SLC4A10: variants seen among roughly 807,000 people sequenced by gnomAD.
SLC4A10 encodes solute carrier family 4 member 10.
A neutral mutation model predicts 137.7 loss-of-function variants in SLC4A10; 42 were observed. The ratio of observed to expected loss-of-function variants is 0.30; its 90% CI spans 0.24 to 0.39. The LOEUF is 0.39. SLC4A10 is among the 10% of genes least tolerant of loss of function. The pLI, the probability that SLC4A10 is intolerant of heterozygous loss-of-function variation, is 1.00. For missense variants in SLC4A10, 925 were observed against 1,355.0 expected, an observed-to-expected ratio of 0.68 and a Z score of 4.98; for synonymous variants, 474 against 464.1, an observed-to-expected ratio of 1.02 and a Z score of -0.27.
chr2:161,792,115 C>T (rs1042442950), intron 2 of SLC4A10, among the ~76,000 whole-genome samples: 6 of 152,078 alleles, frequency 3.9e-5, no homozygotes, highest in African/African-American at 1.2e-4. Context: ...AACTCACTCA[C>T]TATTTGGTAT....
chr2:161,712,686 C>T lies in SLC4A10; in HGVS notation c.49-58287C>T, dbSNP rs145445894. On this transcript the variant is annotated intron_variant, in intron 1 of 26. Coordinates refer to ENST00000446997, the MANE Select transcript of SLC4A10 (RefSeq NM_001178015.2). Reference sequence around the variant, plus strand: ...TATTTAATGTAAAAACATTTATCTGCTTAAAATTCTCAATAAACTTCAAAG... The same window carrying T: ...TATTTAATGTAAAAACATTTATCTGTTTAAAATTCTCAATAAACTTCAAAG... 8.3e-3 allele frequency among the ~76,000 whole-genome samples: 1,263 copies of T among 151,828 alleles called. 20 individuals carry two copies. Among genetic ancestry groups the T allele is most frequent in the African/African-American group, 0.028 (1,176 of 41,466 alleles).
chr2:161,864,176 T>G (rs2060600406), intron 6 of SLC4A10, among the ~76,000 whole-genome samples: 1 of 151,946 alleles, frequency 6.6e-6, no homozygotes, highest in Admixed American at 6.6e-5. Flanking sequence ...CACTCCAGCC[T>G]GGGCTACACA....
Position 161,957,052 on chromosome 2 carries a change from A to G in SLC4A10, c.2605A>G (p.Met869Val). The change falls in exon 20 of 27, where the codon ATG (methionine) becomes GTG (valine). Residue 869 changes from methionine to valine, a missense_variant. Met to Val is a conservative substitution (Grantham distance 21). This residue lies in a region of SLC4A10 where 115 missense variants were observed against 237.5 expected (regional missense o/e 0.48). Transcript: ENST00000446997. ...VAVMLGVCSI[M>V]GLPWFVAATV... is the part of the protein sequence containing the mutation. Reference sequence around the variant, plus strand: ...TGTCATGCTCGGTGTATGCTCCATCATGGGCCTGCCATGGTTTGTGGCTGC... The same window carrying G: ...TGTCATGCTCGGTGTATGCTCCATCGTGGGCCTGCCATGGTTTGTGGCTGC... 6.2e-7 allele frequency: 1 copy of G among 1,611,976 alleles called. No homozygotes were observed. The highest frequency in any genetic ancestry group is 1.7e-5 in the Admixed American group (1 of 59,760).
At chr2:161,672,134 A>T (rs1177522487) in intron 1 of SLC4A10, among the ~76,000 whole-genome samples, 1 of 152,156 alleles carries the variant, frequency 6.6e-6, no homozygotes, top group African/African-American at 2.4e-5. Flanking sequence ...GTGGTTTGGG[A>T]TCAGTTCATT....
At chr2:161,885,824 C>T (rs1237550280) in intron 10 of SLC4A10, among the ~76,000 whole-genome samples, 5 of 152,114 alleles carry the variant, frequency 3.3e-5, no homozygotes, top group East Asian at 1.9e-4. Flanking sequence ...AATAATAGAA[C>T]GGGTTCAGTG....
chr2:161,738,128 G>T (rs1358751899), intron 1 of SLC4A10, among the ~76,000 whole-genome samples: 1 of 152,102 alleles, frequency 6.6e-6, no homozygotes, highest in Non-Finnish European at 1.5e-5. Context: ...CAAATCTGTG[G>T]TGCTTCAGAA....
intron 1 of SLC4A10, among the ~76,000 whole-genome samples, chr2:161,662,464 C>T (rs1187437413): frequency 6.6e-6 from 1 of 152,034 alleles, no homozygotes; most frequent in Non-Finnish European, 1.5e-5. Flanking sequence ...AATAGGTAGC[C>T]TGTATTACAA....
chr2:161,696,609 T>C (rs2042541265), intron 1 of SLC4A10, among the ~76,000 whole-genome samples: 1 of 151,226 alleles, frequency 6.6e-6, no homozygotes, highest in Non-Finnish European at 1.5e-5. Flanking sequence ...TCCAATTTCA[T>C]CCATGTCTCT....
intron 1 of SLC4A10, among the ~76,000 whole-genome samples, chr2:161,638,652 G>A (rs2034816040): frequency 6.6e-6 from 1 of 151,904 alleles, no homozygotes. Context: ...TTCTGTTTTT[G>A]TGAAGACTGT....
intron 1 of SLC4A10, among the ~76,000 whole-genome samples, chr2:161,735,007 C>A (rs2047195092): frequency 6.6e-6 from 1 of 151,608 alleles, no homozygotes; most frequent in Non-Finnish European, 1.5e-5. Flanking sequence ...GCCTTGCTTC[C>A]CTTTAAACTT....
intron 1 of SLC4A10, among the ~76,000 whole-genome samples, chr2:161,674,034 T>C (rs898295933): frequency 1.3e-5 from 2 of 152,016 alleles, no homozygotes; most frequent in Non-Finnish European, 2.9e-5. Flanking sequence ...TTTGAAAAAA[T>C]CCACATTTAA....
In SLC4A10 at chr2:161,638,310, A is replaced by G. The variant is rs535821870; in HGVS notation, c.48+13744A>G. Among the ~76,000 whole-genome samples, 10 of 152,254 alleles carry G rather than the reference A, an allele frequency of 6.6e-5. 1 individual carries two copies. The South Asian group carries it at 1.2e-3, about 19-fold the overall frequency. ...ATCCATTTTGAGTTGATTTTTGTAT[A>G]TGGTGATCCATAGGGTTCTAGTTTC... is the stretch of plus-strand genomic sequence containing the variant. On this transcript the variant is annotated intron_variant, in intron 1 of 26. Coordinates refer to ENST00000446997, the MANE Select transcript of SLC4A10 (RefSeq NM_001178015.2).
At chr2:161,640,653 C>T (rs398041465) in intron 1 of SLC4A10, among the ~76,000 whole-genome samples, 53 of 61,018 alleles carry the variant, frequency 8.7e-4, no homozygotes, top group African/African-American at 3.2e-3. Context: ...TCCTTCCTTC[C>T]TTCCTTCTTT....
At chr2:161,961,180 C>T (rs138154173) in intron 21 of SLC4A10, among the ~76,000 whole-genome samples, 62 of 152,294 alleles carry the variant, frequency 4.1e-4, no homozygotes, top group Middle Eastern at 3.4e-3. Context: ...ACCTGCAGGA[C>T]AGGCAGCACG....
intron 19 of SLC4A10, among the ~76,000 whole-genome samples, chr2:161,955,068 G>A (rs1374444528): frequency 6.6e-5 from 10 of 152,030 alleles, no homozygotes; most frequent in Admixed American, 5.9e-4. Flanking sequence ...ATTTCTCTTA[G>A]CAGTACCATA....
chr2:161,914,606 C>G (rs1054497800), intron 15 of SLC4A10, among the ~76,000 whole-genome samples: 1 of 152,014 alleles, frequency 6.6e-6, no homozygotes, highest in Admixed American at 6.6e-5. Context: ...TATCTCTTCC[C>G]CAAATTTTGC....
At chr2:161,826,598 G>A (rs1414491733) in intron 3 of SLC4A10, among the ~76,000 whole-genome samples, 4 of 152,184 alleles carry the variant, frequency 2.6e-5, no homozygotes, top group Admixed American at 2.6e-4. Flanking sequence ...TGGTTAATTA[G>A]TATGTGAGTT....
chr2:161,715,841 C>T (rs2044808061), intron 1 of SLC4A10, among the ~76,000 whole-genome samples: 1 of 151,940 alleles, frequency 6.6e-6, no homozygotes. Flanking sequence ...ATTTATATTC[C>T]TTTGAGTGTA....
At chr2:161,800,658 G>A (rs1327808867) in intron 2 of SLC4A10, among the ~76,000 whole-genome samples, 1 of 152,060 alleles carries the variant, frequency 6.6e-6, no homozygotes, top group African/African-American at 2.4e-5. Context: ...AATTAAGGCA[G>A]TATCGAAGAG....
Sources: gnomAD v4.1 joint callset for allele counts (sites outside exome capture counted in the v4.1 genomes callset) on GRCh38, gnomAD v4.1.1 for gene constraint, gnomAD v4.1.1 regional missense constraint, MANE v1.5 for transcripts, NCBI Gene and HGNC (gene_info 2026-07-23, HGNC 2026-07-21) for gene names.